GRM5: variants seen among roughly 807,000 people sequenced by gnomAD.
GRM5 encodes metabotropic glutamate receptor 5.
A neutral mutation model predicts 83.1 loss-of-function variants in GRM5; 19 were observed. The ratio of observed to expected loss-of-function variants is 0.23; its 90% CI spans 0.16 to 0.34. The LOEUF (loss-of-function observed/expected upper bound fraction) is 0.34, where lower values mean the gene tolerates loss of function less well. Among genes scored for constraint, GRM5 ranks in the 10% least tolerant of loss-of-function variants. The pLI is 1.00. For synonymous variants in GRM5, 675 were observed against 633.6 expected, an observed-to-expected ratio of 1.07 and a Z score of -0.98; for missense variants, 1,160 against 1,588.3, an observed-to-expected ratio of 0.73 and a Z score of 4.58.
At chr11:88,987,098 C>A (rs376852225) in intron 2 of GRM5, among the ~76,000 whole-genome samples, 1 of 151,938 alleles carries the variant, frequency 6.6e-6, no homozygotes, top group South Asian at 2.1e-4. Context: ...TCTGAGGTAC[C>A]GGGTTCATCT....
At chr11:88,700,490 T>A (rs1047639461) in intron 3 of GRM5, among the ~76,000 whole-genome samples, 2 of 152,164 alleles carry the variant, frequency 1.3e-5, no homozygotes, top group African/African-American at 4.8e-5. Context: ...ATGGCACAAC[T>A]GCTCAAGGAG....
chr11:88,724,547 G>C (rs543952118), intron 3 of GRM5, among the ~76,000 whole-genome samples: 67 of 152,238 alleles, frequency 4.4e-4, no homozygotes, highest in Non-Finnish European at 6.6e-4. Context: ...TAGTGATGGG[G>C]CATTGTAATA....
intron 2 of GRM5, among the ~76,000 whole-genome samples, chr11:88,888,512 T>C (rs2135581797): frequency 6.6e-6 from 1 of 152,292 alleles, no homozygotes; most frequent in Non-Finnish European, 1.5e-5. Context: ...CCTTTTATGA[T>C]GTTCATTCAA....
chr11:88,770,260 G>A (rs973323750), intron 3 of GRM5, among the ~76,000 whole-genome samples: 2 of 151,844 alleles, frequency 1.3e-5, no homozygotes, highest in Non-Finnish European at 2.9e-5. Context: ...TACTGGATGC[G>A]ACCCCAGAAC....
intron 7 of GRM5, among the ~76,000 whole-genome samples, chr11:88,583,059 G>A (rs1943244557): frequency 6.6e-6 from 1 of 151,082 alleles, no homozygotes; most frequent in African/African-American, 2.4e-5. Flanking sequence ...ATAATAATTG[G>A]AAATGAAAAG....
At chr11:88,894,858 A>G (rs1291062660) in intron 2 of GRM5, among the ~76,000 whole-genome samples, 2 of 152,012 alleles carry the variant, frequency 1.3e-5, no homozygotes, top group East Asian at 3.9e-4. Flanking sequence ...ACATGAGAAT[A>G]CAATGTGAAG....
At chr11:88,961,072 C>A (rs974648631) in intron 2 of GRM5, among the ~76,000 whole-genome samples, 2 of 152,168 alleles carry the variant, frequency 1.3e-5, no homozygotes, top group African/African-American at 4.8e-5. Context: ...TAGATTATAT[C>A]ACTGGCTCTT....
intron 8 of GRM5, among the ~76,000 whole-genome samples, chr11:88,550,049 T>TA (rs1006175837): frequency 6.6e-6 from 1 of 152,070 alleles, no homozygotes; most frequent in Non-Finnish European, 1.5e-5. Flanking sequence ...TCAGAGCAAG[T>TA]AAAATGTTAA....
At chr11:88,573,712 A>G (rs1499024) in intron 7 of GRM5, among the ~76,000 whole-genome samples, 7,961 of 152,274 alleles carry the variant, frequency 0.052, 687 homozygotes, top group African/African-American at 0.18. Context: ...ATATTTGAGC[A>G]ACAGATCTGT....
intron 2 of GRM5, among the ~76,000 whole-genome samples, chr11:88,876,840 A>T (rs1458227648): frequency 6.6e-6 from 1 of 152,110 alleles, no homozygotes; most frequent in African/African-American, 2.4e-5. Flanking sequence ...CTAAACACAG[A>T]TAAAAAATGT....
chr11:88,518,949 C>T lies in GRM5; in HGVS notation c.2726+6360G>A, dbSNP rs150802721. Among the ~76,000 whole-genome samples the T allele has an allele frequency of 1.1e-3, 164 of 149,706 alleles. 1 individual carries two copies. Among genetic ancestry groups the T allele is most frequent in the African/African-American group, 3.6e-3 (147 of 40,558 alleles). On this transcript the variant is annotated intron_variant, in intron 9 of 9. Coordinates refer to ENST00000305447, the MANE Select transcript of GRM5 (RefSeq NM_001143831.3). ...TTCTCACACTGTTGAGTACTGAAGA[C>T]GTAAAAGTGAACCATACATTTTTGT...
chr11:88,775,020 A>T (rs1308597308), intron 3 of GRM5, among the ~76,000 whole-genome samples: 1 of 152,184 alleles, frequency 6.6e-6, no homozygotes, highest in Non-Finnish European at 1.5e-5. Context: ...TTTCAGAAGG[A>T]ATGGTACCAG....
chr11:88,757,829 C>A (rs1030204972), intron 3 of GRM5, among the ~76,000 whole-genome samples: 1 of 152,120 alleles, frequency 6.6e-6, no homozygotes, highest in African/African-American at 2.4e-5. Flanking sequence ...TGCTTTGGCA[C>A]CTCCCATTGA....
At chr11:88,515,357 T>C (rs1941493259) in intron 9 of GRM5, among the ~76,000 whole-genome samples, 1 of 152,268 alleles carries the variant, frequency 6.6e-6, no homozygotes, top group Admixed American at 6.5e-5. Flanking sequence ...GATACAAAAT[T>C]ACAGCTAGGT....
At chr11:88,624,149 A>G (rs1279488479) in intron 4 of GRM5, among the ~76,000 whole-genome samples, 2 of 152,210 alleles carry the variant, frequency 1.3e-5, no homozygotes, top group African/African-American at 4.8e-5. Flanking sequence ...ACTTTATATC[A>G]AAGTAGAACC....
chr11:88,593,686 A>C lies in GRM5; in HGVS notation c.1564-2959T>G, dbSNP rs1028131276. 1.6e-3 allele frequency among the ~76,000 whole-genome samples: 242 copies of C among 149,750 alleles called. 2 individuals carry two copies. The highest frequency in any genetic ancestry group is 5.5e-3 in the African/African-American group (224 of 40,694). On this transcript the variant is annotated intron_variant, in intron 6 of 9. Transcript: ENST00000305447. Reference sequence around the variant, plus strand: ...AGCAAGACTCCGTCTCAAAAAAAAAAACAAAAAATTCTGCATGTGGAAGTT... The same window carrying C: ...AGCAAGACTCCGTCTCAAAAAAAAACACAAAAAATTCTGCATGTGGAAGTT...
At chr11:88,773,373 T>A (rs1384711868) in intron 3 of GRM5, among the ~76,000 whole-genome samples, 1 of 152,184 alleles carries the variant, frequency 6.6e-6, no homozygotes, top group Non-Finnish European at 1.5e-5. Context: ...GTGGGTAGAT[T>A]GCAAAAATTT....
At chr11:88,514,951 C>T (rs1239701860) in intron 9 of GRM5, among the ~76,000 whole-genome samples, 1 of 152,156 alleles carries the variant, frequency 6.6e-6, no homozygotes. Flanking sequence ...GCAGTGGTTA[C>T]ATGTTTCCAC....
intron 2 of GRM5, among the ~76,000 whole-genome samples, chr11:88,868,134 A>C (rs561909625): frequency 6.6e-6 from 1 of 152,012 alleles, no homozygotes; most frequent in East Asian, 1.9e-4. Context: ...CAGATATAGT[A>C]GGCCAATCAC....
Sources: gnomAD v4.1 joint callset for allele counts (sites outside exome capture counted in the v4.1 genomes callset) on GRCh38, gnomAD v4.1.1 for gene constraint, MANE v1.5 for transcripts, NCBI Gene and HGNC (gene_info 2026-07-23, HGNC 2026-07-21) for gene names.